The following PRKG1 variants were observed in gnomAD, a reference collection of about 807,000 sequenced individuals.
The protein encoded by PRKG1 is cGMP-dependent protein kinase 1.
Under a neutral mutation model 88.1 loss-of-function variants are expected in PRKG1, and 35 were observed. The observed-to-expected ratio is 0.40, with a 90% confidence interval of 0.30 to 0.53. The LOEUF is 0.53. Ranked by LOEUF, PRKG1 falls within the 20% of genes least tolerant of loss-of-function variation. The probability of loss-of-function intolerance (pLI) is 0.59; values close to 1 mark genes in which losing one functional copy is unlikely to be tolerated. For synonymous variants in PRKG1, 303 were observed against 292.5 expected (o/e 1.04, Z -0.37); for missense variants, 540 against 839.8 (o/e 0.64, Z 4.41).
chr10:51,028,367 G>C (rs1458561950), intron 1 of PRKG1, among the ~76,000 whole-genome samples: 1 of 152,104 alleles, frequency 6.6e-6, no homozygotes, highest in Admixed American at 6.6e-5. Flanking sequence ...TCACAATCCA[G>C]GGCCATAGTG....
At chr10:51,709,419 G>C (rs1841688597) in intron 3 of PRKG1, among the ~76,000 whole-genome samples, 1 of 152,200 alleles carries the variant, frequency 6.6e-6, no homozygotes, top group Non-Finnish European at 1.5e-5. Context: ...TGAAATAGCT[G>C]TGTATACGTT....
At chr10:51,726,038 C>A (rs1294420680) in intron 3 of PRKG1, among the ~76,000 whole-genome samples, 1 of 152,176 alleles carries the variant, frequency 6.6e-6, no homozygotes, top group African/African-American at 2.4e-5. Context: ...AGCTATTCAT[C>A]ACAATGCAAA....
chr10:52,226,027 T>TA (rs1840380308), intron 9 of PRKG1, among the ~76,000 whole-genome samples: 1 of 44,382 alleles, frequency 2.3e-5, no homozygotes, highest in African/African-American at 1.5e-4. Context: ...TGAGGGTTGA[T>TA]TTTTTTTTTT....
intron 3 of PRKG1, among the ~76,000 whole-genome samples, chr10:51,597,873 C>T (rs1838495903): frequency 6.6e-6 from 1 of 152,110 alleles, no homozygotes; most frequent in East Asian, 1.9e-4. Flanking sequence ...AATAGCAATT[C>T]TTAAAAACCA....
intron 3 of PRKG1, among the ~76,000 whole-genome samples, chr10:51,588,748 A>G (rs941359347): frequency 9.2e-5 from 14 of 152,202 alleles, no homozygotes; most frequent in African/African-American, 3.4e-4. Context: ...GGTTATTAAG[A>G]GGATAATCCG....
intron 2 of PRKG1, among the ~76,000 whole-genome samples, chr10:51,349,516 T>A (rs1185984693): frequency 6.6e-6 from 1 of 150,936 alleles, no homozygotes; most frequent in African/African-American, 2.4e-5. Context: ...GTCCTTTTTT[T>A]TTTTTTTTTA....
chr10:52,101,720 C>T (rs1273377306), intron 7 of PRKG1, among the ~76,000 whole-genome samples: 2 of 152,262 alleles, frequency 1.3e-5, no homozygotes, highest in South Asian at 2.1e-4. Flanking sequence ...TTGGCCAAGG[C>T]GACCTAGCCA....
At chr10:51,248,578 C>T (rs1039729991) in intron 2 of PRKG1, among the ~76,000 whole-genome samples, 1 of 151,608 alleles carries the variant, frequency 6.6e-6, no homozygotes, top group Non-Finnish European at 1.5e-5. Flanking sequence ...TAACAGAATC[C>T]ATTTAGTTCA....
chr10:51,763,822 T>G (rs558553834), intron 3 of PRKG1, among the ~76,000 whole-genome samples: 1 of 152,086 alleles, frequency 6.6e-6, no homozygotes, highest in East Asian at 1.9e-4. Flanking sequence ...GAGGGCCTTC[T>G]TAGTGGTGGG....
intron 9 of PRKG1, among the ~76,000 whole-genome samples, chr10:52,214,569 T>C (rs550979864): frequency 6.6e-6 from 1 of 152,296 alleles, no homozygotes; most frequent in East Asian, 1.9e-4. Context: ...TAAGTACAAT[T>C]ACTCTTGGAA....
intron 5 of PRKG1, among the ~76,000 whole-genome samples, chr10:51,978,286 T>C (rs182025967): frequency 2.6e-5 from 4 of 152,212 alleles, no homozygotes; most frequent in Admixed American, 2.0e-4. Context: ...GTGACCTTAT[T>C]ACTCGTCTCT....
intron 5 of PRKG1, among the ~76,000 whole-genome samples, chr10:51,953,134 T>C (rs1843223714): frequency 6.6e-6 from 1 of 152,194 alleles, no homozygotes; most frequent in South Asian, 2.1e-4. Context: ...TAAAATCCTG[T>C]TGGTAAGATC....
intron 2 of PRKG1, chr10:51,302,616 C>T (rs1840922433): frequency 6.7e-6 from 1 of 148,908 alleles, no homozygotes. Flanking sequence ...GAATAGTTTA[C>T]TAAATATGGG....
intron 3 of PRKG1, among the ~76,000 whole-genome samples, chr10:51,518,291 C>A (rs937286163): frequency 2.2e-4 from 34 of 152,286 alleles, no homozygotes; most frequent in African/African-American, 7.7e-4. Context: ...AGCCACCATG[C>A]CCCGCATGGA....
At chr10:51,429,211 C>A (rs1043035122) in intron 2 of PRKG1, among the ~76,000 whole-genome samples, 15 of 152,070 alleles carry the variant, frequency 9.9e-5, no homozygotes, top group African/African-American at 3.6e-4. Flanking sequence ...TCTGACACAG[C>A]AATAATCACT....
At chr10:51,047,617 CAA>C (rs142049774) in intron 1 of PRKG1, among the ~76,000 whole-genome samples, 71,170 of 125,374 alleles carry the variant, frequency 0.57, 18,476 homozygotes, top group East Asian at 0.66. Context: ...TTATTATTTC[CAA>C]AAAAAAAAAA....
chr10:51,172,386 TTAA>T (rs1306566671), intron 2 of PRKG1, among the ~76,000 whole-genome samples: 1 of 152,066 alleles, frequency 6.6e-6, no homozygotes, highest in Non-Finnish European at 1.5e-5. Context: ...AAGATAAAAT[TTAA>T]TAATAAAACA....
chr10:52,082,213 G>A (rs1846795251), intron 7 of PRKG1, among the ~76,000 whole-genome samples: 1 of 152,132 alleles, frequency 6.6e-6, no homozygotes, highest in East Asian at 1.9e-4. Flanking sequence ...CCACCCCCAT[G>A]ATTAAATTAC....
In PRKG1 at chr10:51,153,171, G is replaced by C. The variant is rs751916382; in HGVS notation, c.319G>C (p.Asp107His). ...PFYPKSPQSK[D>H]LIKEAILDND... ...TTCCCTCTCTTGCCATAGGTCCAAGGATCTTATAAAGGAAGCTATCCTTGA... is the reference window on the plus strand; with the variant it reads ...TTCCCTCTCTTGCCATAGGTCCAAGCATCTTATAAAGGAAGCTATCCTTGA... Residue 107 changes from aspartate to histidine, a missense_variant, in exon 2 of 18, where the codon GAT (aspartate) becomes CAT (histidine). Physicochemically the swap from Asp to His is moderately conservative, Grantham distance 81. This residue lies in a region of PRKG1 where 400 missense variants were observed against 562.7 expected (regional missense o/e 0.71). Coordinates refer to ENST00000373980, the MANE Select transcript of PRKG1 (RefSeq NM_006258.4). The C allele has an allele frequency of 8.7e-6, 14 of 1,611,244 alleles. No homozygotes were observed. Among genetic ancestry groups the C allele is most frequent in the Middle Eastern group, 1.7e-4 (1 of 6,038 alleles).
Sources: allele counts gnomAD v4.1 joint callset (sites outside exome capture counted in the v4.1 genomes callset), GRCh38; gene constraint gnomAD v4.1.1; regional missense constraint gnomAD v4.1.1; transcripts MANE v1.5; gene names NCBI Gene and HGNC (gene_info 2026-07-23, HGNC 2026-07-21).